The following CD209 variants were observed in gnomAD, a reference collection of about 807,000 sequenced individuals.
CD209 encodes the protein CD209 antigen.
Under a neutral mutation model 44.7 loss-of-function variants are expected in CD209, and 31 were observed. The observed-to-expected ratio is 0.69, with a 90% CI of 0.52 to 0.94. The LOEUF is 0.94. Ranked by LOEUF, CD209 falls within the 40% of genes least tolerant of loss-of-function variation. The probability of loss-of-function intolerance (pLI) is 0.00; values close to 1 mark genes in which losing one functional copy is unlikely to be tolerated. For missense variants in CD209, 407 were observed against 452.4 expected (o/e 0.90, Z 0.91); for synonymous variants, 173 against 181.3 (o/e 0.95, Z 0.37).
At chr19:7,746,822 C>CTA (rs1360558031) in intron 2 of CD209, among the ~76,000 whole-genome samples, 1 of 151,200 alleles carries the variant, frequency 6.6e-6, no homozygotes, top group Non-Finnish European at 1.5e-5. Context: ...AACCCAGGCC[C>CTA]CCAGCTCCCA....
chr19:7,744,260 C>A (rs755628295), intron 5 of CD209, 41 bp from the exon 6 acceptor site: 51 of 1,445,794 alleles, frequency 3.5e-5, no homozygotes, highest in Non-Finnish European at 4.9e-5. Flanking sequence ...CTCTGCTTCC[C>A]ATTTTCCAGG....
At chr19:7,747,044 C>T (rs11465372) in intron 2 of CD209, among the ~76,000 whole-genome samples, 3,556 of 150,120 alleles carry the variant, frequency 0.024, 152 homozygotes, top group African/African-American at 0.083. Context: ...GAGTCTAGGC[C>T]CCTGACCCCA....
rs1246955681 is a variant in CD209, at chr19:7,741,932, A to G, written c.*1107T>C. 4.8e-6 allele frequency: 2 copies of G among 417,814 alleles called. No individual in the cohort carries two copies. Among genetic ancestry groups the G allele is most frequent in the South Asian group, 2.1e-5 (1 of 48,656 alleles). The allele number at this position is 417,814 out of a possible 1,614,324, so 25.9% of individuals were successfully genotyped here. ...AAATGGGGAATCCGAAAGGAAAAGG[A>G]AGAAATCTCACTAGCACATGTCAAA... On this transcript the variant is annotated 3_prime_UTR_variant, in exon 7 of 7. Coordinates refer to ENST00000315599, the MANE Select transcript of CD209 (RefSeq NM_021155.4).
At chr19:7,746,410 A>C (rs776509741) in intron 3 of CD209, 50 bp downstream of exon 3, 5 of 1,587,062 alleles carry the variant, frequency 3.2e-6, no homozygotes, top group Admixed American at 3.3e-5. Flanking sequence ...CTGTGTCCAC[A>C]GCCAAAAGCC....
At chr19:7,745,477 G>C in intron 4 of CD209, 41 bp downstream of exon 4, 3 of 1,612,040 alleles carry the variant, frequency 1.9e-6, no homozygotes, top group Non-Finnish European at 2.5e-6. Flanking sequence ...ACCACACAAC[G>C]ACCATCTCAG....
In CD209 at chr19:7,740,199, C is replaced by A. The variant is rs1201902192; in HGVS notation, c.*2840G>T. On this transcript the variant is annotated 3_prime_UTR_variant, in exon 7 of 7. Transcript: ENST00000315599. ...GGCTCAATCTGATTGGATCAAGGAT[C>A]ATGCCACGTGGTGTCCACTTCTTAA... 3.2e-6 allele frequency: 1 copy of A among 317,182 alleles called. No homozygotes were observed. 19.6% of individuals were successfully genotyped at this position (317,182 alleles called of 1,614,324 possible).
intron 5 of CD209, among the ~76,000 whole-genome samples, chr19:7,744,562 C>T (rs61468896): frequency 0.036 from 5,462 of 152,302 alleles, 261 homozygotes; most frequent in African/African-American, 0.11. Context: ...GCTGGTCATG[C>T]ACATCTCCTT....
intron 5 of CD209, 63 bp downstream of exon 5, chr19:7,744,878 C>T (rs965870300): frequency 6.3e-7 from 1 of 1,595,882 alleles, no homozygotes; most frequent in African/African-American, 1.3e-5. Context: ...TCTCTGAGCA[C>T]CTCCTCCCCA....
chr19:7,746,228 G>A, intron 3 of CD209, 141 bp from the exon 4 acceptor site: 1 of 1,311,264 alleles, frequency 7.6e-7, no homozygotes, highest in Non-Finnish European at 1.0e-6. Flanking sequence ...CTGACACCTG[G>A]AGAAGGCAGC....
At chr19:7,746,286 C>G (rs2033820072) in intron 3 of CD209, among the ~76,000 whole-genome samples, 174 bp downstream of exon 3, 3 of 152,122 alleles carry the variant, frequency 2.0e-5, no homozygotes, top group Admixed American at 1.3e-4. Flanking sequence ...CTCCTCCTCC[C>G]TCTCCTGTCC....
At chr19:7,744,454 T>C (rs2146319707) in intron 5 of CD209, among the ~76,000 whole-genome samples, 1 of 152,348 alleles carries the variant, frequency 6.6e-6, no homozygotes, top group African/African-American at 2.4e-5. Flanking sequence ...TTGCTAATAC[T>C]GCATGTTTAT....
At position 7,742,803 on chromosome 19, in the gene CD209, T is replaced by G. The variant is rs553071887; in HGVS notation, c.*236A>C. 1.7e-6 allele frequency: 1 copy of G among 577,368 alleles called. No individual in the cohort carries two copies. The highest frequency in any genetic ancestry group is 1.9e-5 in the African/African-American group (1 of 53,596). 35.8% of individuals were successfully genotyped at this position (577,368 alleles called of 1,614,324 possible). On this transcript the variant is annotated 3_prime_UTR_variant, in exon 7 of 7. Transcript: ENST00000315599. ...TCTCCAAAAGGAAGAGAGAGTGGAT[T>G]CTTGGAACACAAGTCCACCCCCAAA...
intron 2 of CD209, 64 bp downstream of exon 2, chr19:7,747,242 T>C: frequency 6.5e-7 from 1 of 1,546,946 alleles, no homozygotes; most frequent in Non-Finnish European, 8.9e-7. Context: ...AGCGTCCAGC[T>C]CCTCAGGACC....
Position 7,746,414 on chromosome 19 carries a change from A to G in CD209, c.178+46T>C, listed in dbSNP as rs200412510. 338 of 1,595,900 alleles carry G rather than the reference A, an allele frequency of 2.1e-4. 2 individuals carry two copies. Among genetic ancestry groups the G allele is most frequent in the Non-Finnish European group, 1.7e-5 (20 of 1,163,684 alleles). On this transcript the variant is annotated intron_variant, in intron 3 of 6. Transcript: ENST00000315599. ...GCAGCCCCAGGCTGTGTCCACAGCC[A>G]AAAGCCAGGCGTGGGGACCCCAGAC...
intron 4 of CD209, 132 bp from the exon 5 acceptor site, chr19:7,745,224 C>G: frequency 7.8e-7 from 1 of 1,275,082 alleles, no homozygotes. Flanking sequence ...TTCCCCTCCC[C>G]ACTTCCCGAG....
intron 2 of CD209, among the ~76,000 whole-genome samples, chr19:7,746,739 A>T (rs1451445515): frequency 6.6e-6 from 1 of 150,544 alleles, no homozygotes; most frequent in African/African-American, 2.5e-5. Context: ...AGGTCCCAGG[A>T]ACCAGGTACC....
rs1228382891 is a variant in CD209 at position 7,741,559 on chromosome 19, A to T, written c.*1480T>A. 1 of 657,566 alleles carries T rather than the reference A, an allele frequency of 1.5e-6. No individual in the cohort carries two copies. Among genetic ancestry groups the T allele is most frequent in the Non-Finnish European group, 2.9e-6 (1 of 349,620 alleles). The allele number at this position is 657,566 out of a possible 1,614,324, so 40.7% of individuals were successfully genotyped here. ...CAGTTCAAGGTCAGTTGCAACTTGGAACCTCACCTGAGGGGCAAGTATATA... is the reference window on the plus strand; with the variant it reads ...CAGTTCAAGGTCAGTTGCAACTTGGTACCTCACCTGAGGGGCAAGTATATA... On this transcript the variant is annotated 3_prime_UTR_variant, in exon 7 of 7. Transcript: ENST00000315599.
In CD209 at chr19:7,741,856, AC is replaced by A. The variant is rs2033626304; in HGVS notation, c.*1182del. ...GAGAGGGTGGGCCACCACGATGAAT[AC>A]TACAGGCTGCGGGGAAGGAGAACCC... On this transcript the variant is annotated 3_prime_UTR_variant, in exon 7 of 7. Transcript: ENST00000315599. 3 of 478,990 alleles carry A rather than the reference AC, an allele frequency of 6.3e-6. No homozygotes were observed. Among genetic ancestry groups the A allele is most frequent in the Non-Finnish European group, 1.2e-5 (3 of 245,030 alleles). 29.7% of individuals were successfully genotyped at this position (478,990 alleles called of 1,614,324 possible).
chr19:7,744,005 G>T, intron 6 of CD209, 102 bp downstream of exon 6: 1 of 944,312 alleles, frequency 1.1e-6, no homozygotes. Context: ...CAGATTCTTG[G>T]GTCTAGGGTG....
Sources: gnomAD v4.1 joint callset for allele counts (sites outside exome capture counted in the v4.1 genomes callset) on GRCh38, gnomAD v4.1.1 for gene constraint, MANE v1.5 for transcripts, NCBI Gene and HGNC (gene_info 2026-07-23, HGNC 2026-07-21) for gene names.